Variants in PCDHA8 observed in about 807,000 individuals in gnomAD.
The protein encoded by PCDHA8 is protocadherin alpha-8.
PCDHA8 carries 53 observed loss-of-function variants against 61.8 expected under a neutral mutation model. That is an observed-to-expected ratio of 0.86 (90% CI 0.69 to 1.08). The LOEUF (loss-of-function observed/expected upper bound fraction) is 1.08, where lower values mean the gene tolerates loss of function less well. Ranked by LOEUF, PCDHA8 falls within the 50% of genes least tolerant of loss-of-function variation. The pLI is 0.00. For missense variants in PCDHA8, 1,293 were observed against 1,245.0 expected, an observed-to-expected ratio of 1.04 and a Z score of -0.58; for synonymous variants, 618 against 556.6, an observed-to-expected ratio of 1.11 and a Z score of -1.55.
intron 1 of PCDHA8, among the ~76,000 whole-genome samples, chr5:140,934,505 G>C (rs155823): frequency 0.32 from 48,260 of 151,744 alleles, 8,006 homozygotes; most frequent in East Asian, 0.53. Flanking sequence ...ACACCCAAAG[G>C]GTCCATAGAC....
chr5:140,967,029 G>A, intron 1 of PCDHA8: 1 of 1,609,056 alleles, frequency 6.2e-7, no homozygotes, highest in Non-Finnish European at 8.5e-7. Flanking sequence ...CCCAGTCCGC[G>A]CTACCTGGAG....
At chr5:140,990,022 G>C (rs891983888) in intron 3 of PCDHA8, among the ~76,000 whole-genome samples, 1 of 152,156 alleles carries the variant, frequency 6.6e-6, no homozygotes, top group Non-Finnish European at 1.5e-5. Flanking sequence ...GCTAGGCAAA[G>C]GATGGGAGAA....
rs114871728 is a variant in PCDHA8, at chr5:140,922,694, C to T, written c.2395-56255C>T. The stretch of plus-strand genomic sequence containing the variant: ...GTAAAAAAGTGAACAGGCTCTGCTT[C>T]CATACAGTCAAGAACAAAAAGAAAC... On this transcript the variant is annotated intron_variant, in intron 1 of 3. Transcript: ENST00000531613. Among the ~76,000 whole-genome samples, 1,199 of 152,172 alleles carry T rather than the reference C, an allele frequency of 7.9e-3. 5 individuals carry two copies. The highest frequency in any genetic ancestry group is 0.018 in the African/African-American group (768 of 41,520).
intron 1 of PCDHA8, among the ~76,000 whole-genome samples, chr5:140,938,899 A>G (rs1175857132): frequency 1.3e-5 from 2 of 152,000 alleles, no homozygotes; most frequent in African/African-American, 2.4e-5. Context: ...ACAGATGCGC[A>G]CACACACACA....
chr5:140,855,468 T>C (rs1160317208), intron 1 of PCDHA8, among the ~76,000 whole-genome samples: 1 of 149,888 alleles, frequency 6.7e-6, no homozygotes, highest in Non-Finnish European at 1.5e-5. Context: ...TCACAGATAG[T>C]TGATGCTTGA....
intron 1 of PCDHA8, chr5:140,870,529 G>C: frequency 6.2e-7 from 1 of 1,614,214 alleles, no homozygotes. Flanking sequence ...CATCTTCACA[G>C]TGTCGGCGCG....
chr5:140,848,532 C>T, intron 1 of PCDHA8: 2 of 1,594,974 alleles, frequency 1.3e-6, no homozygotes, highest in Non-Finnish European at 1.7e-6. Context: ...AGAGGGTCAG[C>T]CTCTACTGCT....
Position 140,841,478 on chromosome 5 carries a change from G to T in PCDHA8, c.157G>T (p.Gly53Trp), listed in dbSNP as rs2150316253. The change falls in exon 1 of 4, where the codon GGG (glycine) becomes TGG (tryptophan). Residue 53 changes from glycine to tryptophan, a missense_variant. Physicochemically the swap from Gly to Trp is radical, Grantham distance 184 (BLOSUM62 -2). Transcript: ENST00000531613. ...TFVGRIAQDL[G>W]LELAELVPRL... Reference sequence around the variant, plus strand: ...CGTGGGCCGGATCGCGCAGGACCTGGGGCTGGAGCTGGCGGAGCTGGTGCC... The same window carrying T: ...CGTGGGCCGGATCGCGCAGGACCTGTGGCTGGAGCTGGCGGAGCTGGTGCC... 16 of 1,612,980 alleles carry T rather than the reference G, an allele frequency of 9.9e-6. No individual in the cohort carries two copies. The highest frequency in any genetic ancestry group is 1.2e-5 in the Non-Finnish European group (14 of 1,179,932).
rs144848413 is a variant in PCDHA8 at position 140,843,473 on chromosome 5, T to C, written c.2152T>C (p.Tyr718His). 4.9e-4 allele frequency: 775 copies of C among 1,595,974 alleles called. 42 individuals carry two copies. The African/African-American group carries it at 8.9e-3, about 18-fold the overall frequency. The change falls in exon 1 of 4, where the codon TAC becomes CAC. Residue 718 changes from tyrosine (Y) to histidine (H), a missense_variant. Coordinates refer to ENST00000531613, the MANE Select transcript of PCDHA8 (RefSeq NM_018911.3). ...CCTGCTGGTGCTCACGCTGCTGCTG[T>C]ACACTGCGCTGCGGTGCTCAGCACT... ...SSLLVLTLLL[Y>H]TALRCSALPT...
At chr5:140,992,319 T>C (rs1474763849) in intron 3 of PCDHA8, among the ~76,000 whole-genome samples, 1 of 152,174 alleles carries the variant, frequency 6.6e-6, no homozygotes, top group Admixed American at 6.6e-5. Context: ...GGGCATTCCC[T>C]TTTCTAAGAG....
At chr5:140,884,665 A>G (rs1554181817) in intron 1 of PCDHA8, 9 of 1,578,032 alleles carry the variant, frequency 5.7e-6, no homozygotes, top group Non-Finnish European at 7.7e-6. Context: ...TGAAAGAGGT[A>G]AGCTTATATT....
At position 140,876,683 on chromosome 5, in the gene PCDHA8, A is replaced by G. The variant is rs782371303; in HGVS notation, c.2394+32968A>G. ...AAGCTGGTGTCCACCTACAAGAATT[A>G]CTACTCGTTGGTGCTGGACAGCGCC... On this transcript the variant is annotated intron_variant, in intron 1 of 3. Coordinates refer to ENST00000531613, the MANE Select transcript of PCDHA8 (RefSeq NM_018911.3). 5 of 1,614,094 alleles carry G rather than the reference A, an allele frequency of 3.1e-6. No homozygotes were observed. In the South Asian group the frequency reaches 5.5e-5, roughly 18 times the overall value.
At chr5:140,871,789 AAAT>A (rs2053309848) in intron 1 of PCDHA8, among the ~76,000 whole-genome samples, 1 of 152,254 alleles carries the variant, frequency 6.6e-6, no homozygotes, top group Non-Finnish European at 1.5e-5. Context: ...ACTTGAGTAG[AAAT>A]AATTACTATT....
At position 140,917,315 on chromosome 5, in the gene PCDHA8, T is replaced by C. The variant is rs1015690007; in HGVS notation, c.2395-61634T>C. Among the ~76,000 whole-genome samples, 5 of 128,328 alleles carry C rather than the reference T, an allele frequency of 3.9e-5. No homozygotes were observed. In the East Asian group the frequency reaches 1.3e-3, roughly 32 times the overall value. 84.2% of individuals were successfully genotyped at this position (128,328 alleles called of 152,430 possible). A position where few individuals can be genotyped will look rare whatever the true frequency, so the allele number is the denominator to read the frequency against. On this transcript the variant is annotated intron_variant, in intron 1 of 3. Coordinates refer to ENST00000531613, the MANE Select transcript of PCDHA8 (RefSeq NM_018911.3). Reference sequence around the variant, plus strand: ...TGCAGATAGTTGTTACAATTTGGTGTTCATGTGGCGGGGGAGGGGGGGGAT... The same window carrying C: ...TGCAGATAGTTGTTACAATTTGGTGCTCATGTGGCGGGGGAGGGGGGGGAT...
At chr5:140,974,690 T>G (rs2096636717) in intron 1 of PCDHA8, among the ~76,000 whole-genome samples, 4 of 152,236 alleles carry the variant, frequency 2.6e-5, no homozygotes, top group Admixed American at 2.6e-4. Context: ...TTTGTATTTT[T>G]GGGTTTCACC....
At chr5:140,956,953 CTG>C (rs1217178036) in intron 1 of PCDHA8, among the ~76,000 whole-genome samples, 2 of 135,202 alleles carry the variant, frequency 1.5e-5, no homozygotes, top group African/African-American at 2.6e-5. Flanking sequence ...CATTAAAACA[CTG>C]TAATTAATCA....
chr5:140,858,727 G>A (rs2045572985), intron 1 of PCDHA8: 2 of 482,238 alleles, frequency 4.1e-6, no homozygotes, highest in Non-Finnish European at 3.7e-6. Context: ...CAGTTCTGAC[G>A]ATTTACTTTC....
intron 1 of PCDHA8, chr5:140,927,810 G>A: frequency 2.5e-6 from 4 of 1,614,200 alleles, no homozygotes; most frequent in Non-Finnish European, 3.4e-6. Flanking sequence ...AAACGCTCTT[G>A]GAGGCATACA....
At chr5:140,889,645 A>AG (rs1314365000) in intron 1 of PCDHA8, among the ~76,000 whole-genome samples, 1 of 152,040 alleles carries the variant, frequency 6.6e-6, no homozygotes, top group African/African-American at 2.4e-5. Context: ...TTGTGTTTGC[A>AG]GGAGATGTCC....
Sources: gnomAD v4.1 joint callset for allele counts (sites outside exome capture counted in the v4.1 genomes callset) on GRCh38, gnomAD v4.1.1 for gene constraint, MANE v1.5 for transcripts, NCBI Gene and HGNC (gene_info 2026-07-23, HGNC 2026-07-21) for gene names.